The following NCOA2 variants were observed in gnomAD, a reference collection of about 807,000 sequenced individuals.
NCOA2 encodes the protein class E basic helix-loop-helix protein 75.
Under a neutral mutation model 145.1 loss-of-function variants are expected in NCOA2, and 21 were observed. That is an observed-to-expected ratio of 0.14 (90% confidence interval 0.10 to 0.21). The LOEUF (loss-of-function observed/expected upper bound fraction) is 0.21, where lower values mean the gene tolerates loss of function less well. Ranked by LOEUF, NCOA2 falls within the 10% of genes least tolerant of loss-of-function variation. The probability of loss-of-function intolerance (pLI) is 1.00; values close to 1 mark genes in which losing one functional copy is unlikely to be tolerated. For missense variants in NCOA2, 1,472 were observed against 1,837.6 expected (o/e 0.80, Z 3.64); for synonymous variants, 619 against 637.5 (o/e 0.97, Z 0.44).
intron 2 of NCOA2, among the ~76,000 whole-genome samples, chr8:70,232,162 C>G (rs776847090): frequency 2.9e-4 from 44 of 152,152 alleles, no homozygotes; most frequent in Non-Finnish European, 5.6e-4. Flanking sequence ...CTGTCTTCCT[C>G]CCCAACAGTC....
chr8:70,341,753 G>A lies in NCOA2; in HGVS notation c.-76-44953C>T, dbSNP rs575879487. On this transcript the variant is annotated intron_variant, in intron 1 of 22. Transcript: ENST00000452400. Reference sequence around the variant, plus strand: ...AAATTTTAGTGTAACAAAATATAACGGATAAGCTATATAATCTTCCATAAT... The same window carrying A: ...AAATTTTAGTGTAACAAAATATAACAGATAAGCTATATAATCTTCCATAAT... Among the ~76,000 whole-genome samples, 25 of 152,102 alleles carry A rather than the reference G, an allele frequency of 1.6e-4. No homozygotes were observed. The South Asian group carries it at 1.7e-3, about 10-fold the overall frequency.
Position 70,123,969 on chromosome 8 carries a change from C to T in NCOA2, c.4208G>A (p.Ser1403Asn), listed in dbSNP as rs1380247685. ...SMATNTGGMSSMNQMTGQISM... is the reference protein window; with the variant it reads ...SMATNTGGMSNMNQMTGQISM... ...GATCTGTCCTGTCATCTGGTTCATG[C>T]TGCTCATGCCACCTGTGTTGGTCGC... Residue 1403 changes from serine to asparagine, a missense_variant, in exon 21 of 23, where the codon AGC (serine) becomes AAC (asparagine). By Grantham distance (46) the Ser-to-Asn change is conservative (BLOSUM62 1). Transcript: ENST00000452400. 1.9e-6 allele frequency: 3 copies of T among 1,614,006 alleles called. No homozygotes were observed. The highest frequency in any genetic ancestry group is 2.5e-6 in the Non-Finnish European group (3 of 1,179,876).
intron 4 of NCOA2, among the ~76,000 whole-genome samples, chr8:70,189,695 T>C (rs982661847): frequency 6.6e-6 from 1 of 152,182 alleles, no homozygotes; most frequent in Non-Finnish European, 1.5e-5. Flanking sequence ...AATGCAAAGA[T>C]GAAAAAGACA....
intron 1 of NCOA2, among the ~76,000 whole-genome samples, chr8:70,313,410 C>A (rs1325815568): frequency 6.6e-6 from 1 of 152,088 alleles, no homozygotes; most frequent in Admixed American, 6.5e-5. Context: ...TGTAAGGCAG[C>A]TTAGAAATAA....
intron 2 of NCOA2, among the ~76,000 whole-genome samples, chr8:70,292,006 C>T (rs1430297407): frequency 2.0e-5 from 3 of 147,522 alleles, no homozygotes; most frequent in East Asian, 4.2e-4. Context: ...ACCTGGGAGG[C>T]GGAGCTTGCA....
At chr8:70,188,942 T>G (rs370047806) in intron 4 of NCOA2, among the ~76,000 whole-genome samples, 7 of 151,712 alleles carry the variant, frequency 4.6e-5, no homozygotes, top group African/African-American at 1.7e-4. Flanking sequence ...CAGTTATCAA[T>G]GATAAAACTG....
At chr8:70,439,465 C>T in the NCOA2 span, among the ~76,000 whole-genome samples, 2 of 152,186 alleles carry the variant, frequency 1.3e-5, no homozygotes, top group South Asian at 2.1e-4. Flanking sequence ...ATGGGGAAGG[C>T]ACTCGGGGGG....
chr8:70,123,822 T>C (rs1808097613), intron 21 of NCOA2, 62 bp downstream of exon 21: 9 of 1,388,714 alleles, frequency 6.5e-6, no homozygotes, highest in Non-Finnish European at 6.8e-6. Flanking sequence ...ATATATTTGA[T>C]GCAGAAGTAG....
the NCOA2 span, among the ~76,000 whole-genome samples, chr8:70,436,846 C>T: frequency 6.6e-6 from 1 of 152,180 alleles, no homozygotes; most frequent in Non-Finnish European, 1.5e-5. Context: ...CAGGTATGAC[C>T]ACCGTTATCT....
intron 2 of NCOA2, among the ~76,000 whole-genome samples, chr8:70,239,219 G>C (rs1023526455): frequency 2.0e-5 from 3 of 152,142 alleles, no homozygotes; most frequent in African/African-American, 7.2e-5. Flanking sequence ...TAGGACAGAA[G>C]GGGCCTCAAA....
intron 2 of NCOA2, among the ~76,000 whole-genome samples, chr8:70,259,732 C>G (rs1473866013): frequency 6.6e-6 from 1 of 152,054 alleles, no homozygotes; most frequent in Non-Finnish European, 1.5e-5. Flanking sequence ...AAAATATTAT[C>G]AAAGCAATGA....
chr8:70,396,673 C>T (rs1813700259), intron 1 of NCOA2, among the ~76,000 whole-genome samples: 1 of 152,102 alleles, frequency 6.6e-6, no homozygotes, highest in Non-Finnish European at 1.5e-5. Context: ...AAGCTAGAGA[C>T]TATTCATGGG....
At chr8:70,275,856 C>T (rs1015786697) in intron 2 of NCOA2, among the ~76,000 whole-genome samples, 1 of 152,112 alleles carries the variant, frequency 6.6e-6, no homozygotes, top group African/African-American at 2.4e-5. Context: ...TATAGATAGA[C>T]GATGGTTCTT....
intron 10 of NCOA2, 30 bp from the exon 11 acceptor site, chr8:70,157,270 G>A: frequency 1.3e-6 from 2 of 1,494,484 alleles, no homozygotes; most frequent in East Asian, 2.3e-5. Flanking sequence ...AAAAATGTAA[G>A]ATAAAAGGAA....
chr8:70,179,248 GA>G lies in NCOA2; in HGVS notation c.260-4390del, dbSNP rs1185025101. ...TTTGACCATTTCTCAATATTAAAAA[GA>G]AAAAAATCAATAATATGAAGTGATA... On this transcript the variant is annotated intron_variant, in intron 4 of 22. Coordinates refer to ENST00000452400, the MANE Select transcript of NCOA2 (RefSeq NM_006540.4). 2.6e-5 allele frequency among the ~76,000 whole-genome samples: 4 copies of G among 151,908 alleles called. No individual in the cohort carries two copies. The East Asian group carries it at 5.8e-4, about 22-fold the overall frequency.
chr8:70,235,116 C>G (rs1821481337), intron 2 of NCOA2, among the ~76,000 whole-genome samples: 1 of 152,150 alleles, frequency 6.6e-6, no homozygotes, highest in African/African-American at 2.4e-5. Context: ...GGTGCACACA[C>G]ATATAATAGA....
chr8:70,308,323 G>C (rs1828047672), intron 1 of NCOA2, among the ~76,000 whole-genome samples: 1 of 152,036 alleles, frequency 6.6e-6, no homozygotes. Context: ...TGACAAAATT[G>C]AAATTGTGGC....
At chr8:70,295,936 T>C (rs560071733) in intron 2 of NCOA2, among the ~76,000 whole-genome samples, 3 of 152,298 alleles carry the variant, frequency 2.0e-5, no homozygotes, top group African/African-American at 4.8e-5. Flanking sequence ...AAGAGCGAGA[T>C]TCCATCTCAA....
chr8:70,408,006 C>T (rs1458201826), upstream of NCOA2, among the ~76,000 whole-genome samples: 10 of 151,958 alleles, frequency 6.6e-5, no homozygotes, highest in Non-Finnish European at 1.3e-4. Flanking sequence ...CTTTGATATA[C>T]CCCCTCTATT....
Sources: allele counts gnomAD v4.1 joint callset (sites outside exome capture counted in the v4.1 genomes callset), GRCh38; gene constraint gnomAD v4.1.1; transcripts MANE v1.5; gene names NCBI Gene and HGNC (gene_info 2026-07-23, HGNC 2026-07-21).